HNRNPK: variants seen among roughly 807,000 people sequenced by gnomAD.
HNRNPK encodes dC-stretch binding protein.
Under a neutral mutation model 67.0 loss-of-function variants are expected in HNRNPK, and 7 were observed. The ratio of observed to expected loss-of-function variants is 0.10; its 90% CI spans 0.06 to 0.20. The LOEUF (loss-of-function observed/expected upper bound fraction) is 0.20, where lower values mean the gene tolerates loss of function less well. Ranked by LOEUF, HNRNPK falls within the 10% of genes least tolerant of loss-of-function variation. The pLI is 1.00. For synonymous variants in HNRNPK, 213 were observed against 193.7 expected, an observed-to-expected ratio of 1.10 and a Z score of -0.83; for missense variants, 264 against 606.5, an observed-to-expected ratio of 0.44 and a Z score of 5.93.
At chr9:83,973,172 G>C in intron 9 of HNRNPK, 114 bp downstream of exon 9, 1 of 788,680 alleles carries the variant, frequency 1.3e-6, no homozygotes, top group East Asian at 2.5e-5. Flanking sequence ...TGTCATTTGC[G>C]ATAAGCAATC....
intron 6 of HNRNPK, 92 bp downstream of exon 6, chr9:83,975,370 A>G: frequency 4.5e-6 from 5 of 1,117,850 alleles, no homozygotes; most frequent in Non-Finnish European, 6.8e-6. Context: ...CACCGTCTAA[A>G]GGGGATACTA....
At chr9:83,973,244 T>C in intron 9 of HNRNPK, 42 bp downstream of exon 9, 1 of 1,151,656 alleles carries the variant, frequency 8.7e-7, no homozygotes, top group Non-Finnish European at 1.3e-6. Flanking sequence ...TATGAAAATT[T>C]ACTTTCCAGC....
intron 6 of HNRNPK, among the ~76,000 whole-genome samples, chr9:83,974,867 G>C (rs1326270185): frequency 6.6e-6 from 1 of 152,212 alleles, no homozygotes; most frequent in Non-Finnish European, 1.5e-5. Context: ...CAGAACTGAA[G>C]CAGAGTTGAA....
rs1461585337 is a variant in HNRNPK, at chr9:83,977,060, G to A, written c.157-9C>T. 5 of 1,605,840 alleles carry A rather than the reference G, an allele frequency of 3.1e-6. No homozygotes were observed. Among genetic ancestry groups the A allele is most frequent in the Non-Finnish European group, 4.3e-6 (5 of 1,172,772 alleles). On this transcript the variant is annotated splice_polypyrimidine_tract_variant and intron_variant, in intron 4 of 16. Transcript: ENST00000376263. ...ATCACTGCCCCAGCATTCTGGAGAA[G>A]ATACAAAGACAAAAAATTATTTTGC...
chr9:83,978,435 C>A lies in HNRNPK; in HGVS notation c.-90G>T. Reference sequence around the variant, plus strand: ...TTCTGGGTCGGACCAACAACTGACACCCCAGTGCTGCAGTAGCCTATAAGA... The same window carrying A: ...TTCTGGGTCGGACCAACAACTGACAACCCAGTGCTGCAGTAGCCTATAAGA... On this transcript the variant is annotated 5_prime_UTR_variant, in exon 2 of 17. Transcript: ENST00000376263. 1 of 1,283,070 alleles carries A rather than the reference C, an allele frequency of 7.8e-7. No individual in the cohort carries two copies. Among genetic ancestry groups the A allele is most frequent in the Non-Finnish European group, 1.0e-6 (1 of 986,922 alleles). The allele number at this position is 1,283,070 out of a possible 1,614,324, so 79.5% of individuals were successfully genotyped here. A position where few individuals can be genotyped will look rare whatever the true frequency, so the allele number is the denominator to read the frequency against.
At chr9:83,979,627 A>C (rs1228918340) in intron 1 of HNRNPK, among the ~76,000 whole-genome samples, 1 of 152,142 alleles carries the variant, frequency 6.6e-6, no homozygotes, top group Non-Finnish European at 1.5e-5. Flanking sequence ...CCGACAGGAA[A>C]TGGCGGCCCG....
At chr9:83,971,009 G>A (rs750511980) in intron 13 of HNRNPK, 97 bp from the exon 14 acceptor site, 30 of 1,251,278 alleles carry the variant, frequency 2.4e-5, no homozygotes, top group African/African-American at 4.5e-5. Context: ...GTCTTGCTAT[G>A]TTGCCCAGGC....
chr9:83,976,842 T>C (rs532893233), intron 5 of HNRNPK, 153 bp downstream of exon 5: 4 of 506,328 alleles, frequency 7.9e-6, no homozygotes, highest in South Asian at 4.4e-5. Flanking sequence ...AAAACAGGAA[T>C]GGATAACTTC....
Position 83,972,978 on chromosome 9 carries a change from G to GT in HNRNPK, c.517-7dup, listed in dbSNP as rs754725549. ...TTGATGGTGGTTTGAGTGTTCTGTA[G>GT]TAAGATCATAAAAAAAAATAATAAT... On this transcript the variant is annotated splice_region_variant and splice_polypyrimidine_tract_variant and intron_variant, in intron 9 of 16. Coordinates refer to ENST00000376263, the MANE Select transcript of HNRNPK (RefSeq NM_031263.4). The GT allele has an allele frequency of 2.6e-5, 41 of 1,566,372 alleles. No individual in the cohort carries two copies. The South Asian group carries it at 2.9e-4, about 11-fold the overall frequency.
chr9:83,975,757 AT>A, intron 5 of HNRNPK: 1 of 564,420 alleles, frequency 1.8e-6, no homozygotes, highest in Non-Finnish European at 3.2e-6. Flanking sequence ...AAAGCAATAA[AT>A]TTTAATTTAA....
rs772821065 is a variant in HNRNPK at position 83,969,214 on chromosome 9, C to T, written c.*193G>A. The T allele has an allele frequency of 2.4e-5, 15 of 630,138 alleles. No individual in the cohort carries two copies. The highest frequency in any genetic ancestry group is 5.5e-5 in the African/African-American group (3 of 54,126). The allele number at this position is 630,138 out of a possible 1,614,324, so 39.0% of individuals were successfully genotyped here. On this transcript the variant is annotated 3_prime_UTR_variant, in exon 17 of 17. Transcript: ENST00000376263. ...CAACCCTGTTTGTAAGGAACTAAAA[C>T]ATTACATCTGGTGAACAGCAAAGAT...
chr9:83,972,413 T>C, intron 10 of HNRNPK: 1 of 539,678 alleles, frequency 1.9e-6, no homozygotes, highest in South Asian at 2.6e-5. Flanking sequence ...CTATTGCCTA[T>C]ACAGGGAGAA....
intron 10 of HNRNPK, chr9:83,972,415 C>A (rs1004617381): frequency 3.7e-6 from 2 of 538,658 alleles, no homozygotes; most frequent in African/African-American, 3.9e-5. Flanking sequence ...ATTGCCTATA[C>A]AGGGAGAAGT....
At chr9:83,979,841 G>A (rs1264334582) in intron 1 of HNRNPK, among the ~76,000 whole-genome samples, 2 of 152,160 alleles carry the variant, frequency 1.3e-5, no homozygotes, top group Non-Finnish European at 2.9e-5. Flanking sequence ...CTCACACAAA[G>A]AGAGCGGCGG....
intron 16 of HNRNPK, 158 bp from the exon 17 acceptor site, chr9:83,969,598 TAA>T (rs1415624020): frequency 7.9e-6 from 5 of 634,488 alleles, no homozygotes; most frequent in Non-Finnish European, 1.4e-5. Flanking sequence ...AAAGCAATGT[TAA>T]GTGTCAAGAA....
rs1293362584 is a variant in HNRNPK at position 83,968,459 on chromosome 9, A to C, written c.*948T>G. On this transcript the variant is annotated 3_prime_UTR_variant, in exon 17 of 17. Transcript: ENST00000376263. Reference sequence around the variant, plus strand: ...TAAGTCTATAGGTGAGAAATTATCTAATAAAAATAATCAATTTTTTCAGCA... The same window carrying C: ...TAAGTCTATAGGTGAGAAATTATCTCATAAAAATAATCAATTTTTTCAGCA... The C allele has an allele frequency of 6.6e-6, 1 of 152,612 alleles. No individual in the cohort carries two copies. Among genetic ancestry groups the C allele is most frequent in the African/African-American group, 2.4e-5 (1 of 41,446 alleles). 9.5% of individuals were successfully genotyped at this position (152,612 alleles called of 1,614,324 possible). A position where few individuals can be genotyped will look rare whatever the true frequency, so the allele number is the denominator to read the frequency against.
chr9:83,972,734 G>A, intron 10 of HNRNPK, 110 bp downstream of exon 10: 1 of 739,296 alleles, frequency 1.4e-6, no homozygotes, highest in Non-Finnish European at 2.1e-6. Context: ...AAAATTGCTA[G>A]GGAAAGGGCA....
intron 16 of HNRNPK, 120 bp downstream of exon 16, chr9:83,970,042 A>T: frequency 1.3e-6 from 1 of 758,428 alleles, no homozygotes. Flanking sequence ...AATGTTTAGA[A>T]GTTAGGTCCC....
intron 16 of HNRNPK, 64 bp from the exon 17 acceptor site, chr9:83,969,504 C>T: frequency 1.0e-6 from 1 of 977,782 alleles, no homozygotes; most frequent in Non-Finnish European, 1.6e-6. Context: ...TAATCAACAT[C>T]AAGACAATTT....
Sources: gnomAD v4.1 joint callset for allele counts (sites outside exome capture counted in the v4.1 genomes callset) on GRCh38, gnomAD v4.1.1 for gene constraint, MANE v1.5 for transcripts, NCBI Gene and HGNC (gene_info 2026-07-23, HGNC 2026-07-21) for gene names.